The following PARD3 variants were observed in gnomAD, a reference collection of about 807,000 sequenced individuals.
The protein encoded by PARD3 is partitioning defective 3 homolog.
In PARD3, 75 loss-of-function variants were observed where a neutral mutation model predicts 155.4. That is an observed-to-expected ratio of 0.48 (90% CI 0.40 to 0.58). The LOEUF (loss-of-function observed/expected upper bound fraction) is 0.58, where lower values mean the gene tolerates loss of function less well. Among genes scored for constraint, PARD3 ranks in the 20% least tolerant of loss-of-function variants. The pLI is 0.00. For missense variants in PARD3, 1,642 were observed against 1,721.7 expected, an observed-to-expected ratio of 0.95 and a Z score of 0.82; for synonymous variants, 576 against 610.5, an observed-to-expected ratio of 0.94 and a Z score of 0.83.
chr10:34,731,141 C>G (rs1170978925), intron 1 of PARD3, among the ~76,000 whole-genome samples: 1 of 152,126 alleles, frequency 6.6e-6, no homozygotes, highest in Non-Finnish European at 1.5e-5. Context: ...TGTTTTCTCT[C>G]ACCTTTATAA....
intron 22 of PARD3, among the ~76,000 whole-genome samples, chr10:34,198,832 G>A (rs1361906309): frequency 6.6e-6 from 1 of 152,058 alleles, no homozygotes; most frequent in African/African-American, 2.4e-5. Flanking sequence ...CCATGTATTT[G>A]GGACTGTGTC....
At chr10:34,394,381 A>G (rs1466683728) in intron 7 of PARD3, among the ~76,000 whole-genome samples, 3 of 152,050 alleles carry the variant, frequency 2.0e-5, no homozygotes, top group Admixed American at 1.3e-4. Flanking sequence ...GCTGGAGTAC[A>G]GTGGCATGAT....
At chr10:34,736,711 A>G (rs141276151) in intron 1 of PARD3, among the ~76,000 whole-genome samples, 2,453 of 151,538 alleles carry the variant, frequency 0.016, 73 homozygotes, top group African/African-American at 0.056. Context: ...GTCTTGCTCT[A>G]TTGCCCTGGC....
intron 7 of PARD3, among the ~76,000 whole-genome samples, chr10:34,389,540 C>CT (rs1842681927): frequency 6.6e-6 from 1 of 152,136 alleles, no homozygotes; most frequent in Non-Finnish European, 1.5e-5. Flanking sequence ...CTGAGTAAGT[C>CT]TGAGTTTTGC....
At chr10:34,574,001 T>A (rs2086685671) in intron 2 of PARD3, among the ~76,000 whole-genome samples, 1 of 152,188 alleles carries the variant, frequency 6.6e-6, no homozygotes, top group South Asian at 2.1e-4. Context: ...GCCCTTTGTA[T>A]TTATCTTTTG....
intron 2 of PARD3, among the ~76,000 whole-genome samples, chr10:34,615,724 A>G (rs990550688): frequency 6.6e-6 from 1 of 152,248 alleles, no homozygotes; most frequent in Non-Finnish European, 1.5e-5. Flanking sequence ...AAAATATACG[A>G]TATATAAGAA....
chr10:34,456,041 G>C (rs2077320527), intron 4 of PARD3, among the ~76,000 whole-genome samples: 1 of 152,150 alleles, frequency 6.6e-6, no homozygotes, highest in South Asian at 2.1e-4. Context: ...GTATGGAAAA[G>C]ACAAATGAAA....
chr10:34,353,148 G>A (rs977636527), intron 14 of PARD3, among the ~76,000 whole-genome samples: 1 of 151,970 alleles, frequency 6.6e-6, no homozygotes, highest in Non-Finnish European at 1.5e-5. Flanking sequence ...GCCCCCGCCC[G>A]GCCAGCCGCC....
At chr10:34,185,380 T>C (rs1255447110) in intron 22 of PARD3, among the ~76,000 whole-genome samples, 2 of 152,222 alleles carry the variant, frequency 1.3e-5, no homozygotes, top group African/African-American at 2.4e-5. Context: ...TATTATACAA[T>C]GTTAGGAGCC....
At chr10:34,111,713 A>G (rs1946392836) in intron 24 of PARD3, 151 bp from the exon 25 acceptor site, 1 of 667,376 alleles carries the variant, frequency 1.5e-6, no homozygotes, top group Non-Finnish European at 2.5e-6. Flanking sequence ...TAGGGGCTGG[A>G]GAATTCAAAA....
chr10:34,517,370 T>G (rs2081845831), intron 2 of PARD3, among the ~76,000 whole-genome samples: 1 of 152,188 alleles, frequency 6.6e-6, no homozygotes, highest in African/African-American at 2.4e-5. Context: ...CATTTCACAT[T>G]CAAAAGTCTA....
At chr10:34,651,049 A>AAG (rs1564461753) in intron 2 of PARD3, among the ~76,000 whole-genome samples, 9 of 128,864 alleles carry the variant, frequency 7.0e-5, no homozygotes, top group Admixed American at 1.7e-4. Context: ...AAAAAAAAAA[A>AAG]GGCAGTACAC....
chr10:34,495,328 G>A (rs1465806063), intron 3 of PARD3, among the ~76,000 whole-genome samples: 3 of 152,138 alleles, frequency 2.0e-5, no homozygotes, highest in South Asian at 4.2e-4. Context: ...CCACAGAAAC[G>A]TCAGGCTACA....
Position 34,368,862 on chromosome 10 carries a change from T to A in PARD3, c.1707+3636A>T, listed in dbSNP as rs1249697198. 1.0e-2 allele frequency among the ~76,000 whole-genome samples: 888 copies of A among 89,106 alleles called. 15 individuals carry two copies. The highest frequency in any genetic ancestry group is 0.04 in the Admixed American group (389 of 9,848). 58.5% of individuals were successfully genotyped at this position (89,106 alleles called of 152,430 possible). ...TGTAAAAAAAAAAAAAAAAAAAAAA[T>A]CAACAAGATCTCTTCCCACTATCTT... On this transcript the variant is annotated intron_variant, in intron 12 of 24. Coordinates refer to ENST00000374788, the MANE Select transcript of PARD3 (RefSeq NM_001184785.2).
chr10:34,628,080 T>C (rs1231348153), intron 2 of PARD3, among the ~76,000 whole-genome samples: 1 of 152,124 alleles, frequency 6.6e-6, no homozygotes. Flanking sequence ...AAGGAACCAA[T>C]TCACAATAAA....
intron 1 of PARD3, among the ~76,000 whole-genome samples, chr10:34,803,324 G>A (rs1379105688): frequency 6.6e-6 from 1 of 151,692 alleles, no homozygotes; most frequent in Non-Finnish European, 1.5e-5. Flanking sequence ...CTCCATAAAT[G>A]TCTGGGAGAG....
intron 2 of PARD3, among the ~76,000 whole-genome samples, chr10:34,659,818 GT>G (rs2093276602): frequency 6.6e-6 from 1 of 152,138 alleles, no homozygotes; most frequent in African/African-American, 2.4e-5. Context: ...GTTAGAACCT[GT>G]TTTACTAAGC....
intron 7 of PARD3, among the ~76,000 whole-genome samples, chr10:34,388,441 G>C (rs531842269): frequency 6.6e-6 from 1 of 152,228 alleles, no homozygotes; most frequent in South Asian, 2.1e-4. Flanking sequence ...GTAGTAAGAA[G>C]AGACACTTTC....
At chr10:34,774,096 G>A (rs930905782) in intron 1 of PARD3, among the ~76,000 whole-genome samples, 3 of 152,102 alleles carry the variant, frequency 2.0e-5, no homozygotes, top group Non-Finnish European at 4.4e-5. Flanking sequence ...CTATCACCAC[G>A]TAAACAGAGG....
Sources: allele counts gnomAD v4.1 joint callset (sites outside exome capture counted in the v4.1 genomes callset), GRCh38; gene constraint gnomAD v4.1.1; transcripts MANE v1.5; gene names NCBI Gene and HGNC (gene_info 2026-07-23, HGNC 2026-07-21).